Variants in INSYN2B observed in about 807,000 individuals in gnomAD.
The protein encoded by INSYN2B is inhibitory synaptic factor family member 2B, also known as protein INSYN2B.
A neutral mutation model predicts 41.2 loss-of-function variants in INSYN2B; 16 were observed. That is an observed-to-expected ratio of 0.39 (90% CI 0.26 to 0.59). The LOEUF is 0.59. Among genes scored for constraint, INSYN2B ranks in the 20% least tolerant of loss-of-function variants. INSYN2B has a pLI of 0.57. For missense variants in INSYN2B, 608 were observed against 646.4 expected (o/e 0.94, Z 0.64); for synonymous variants, 245 against 244.4 (o/e 1.00, Z -0.02).
At position 169,915,557 on chromosome 5, in the gene INSYN2B, A is replaced by AACACACACAC. The variant is rs56728646; in HGVS notation, c.-918-30751_-918-30742dup. Among the ~76,000 whole-genome samples the AACACACACAC allele has an allele frequency of 2.4e-4, 35 of 143,486 alleles. 1 individual carries two copies. The highest frequency in any genetic ancestry group is 7.0e-4 in the African/African-American group (27 of 38,662). 94.1% of individuals were successfully genotyped at this position (143,486 alleles called of 152,430 possible). A position where few individuals can be genotyped will look rare whatever the true frequency, so the allele number is the denominator to read the frequency against. On this transcript the variant is annotated intron_variant, in intron 1 of 3. Coordinates refer to ENST00000377365, the MANE Select transcript of INSYN2B (RefSeq NM_001129891.3). ...GAAAATATTTGAGGAATTGACAGGG[A>AACACACACAC]ACACACACACACACACACACACACA...
chr5:169,954,727 T>A (rs1776794627), intron 1 of INSYN2B, among the ~76,000 whole-genome samples: 1 of 152,222 alleles, frequency 6.6e-6, no homozygotes, highest in Non-Finnish European at 1.5e-5. Context: ...TATTTGTTTT[T>A]ACATGTTCCA....
At chr5:169,968,851 T>C (rs1184575028) in intron 1 of INSYN2B, among the ~76,000 whole-genome samples, 1 of 152,120 alleles carries the variant, frequency 6.6e-6, no homozygotes, top group Non-Finnish European at 1.5e-5. Context: ...TAGAGAAGGC[T>C]TCCCGGGAGA....
intron 3 of INSYN2B, among the ~76,000 whole-genome samples, chr5:169,867,068 A>G (rs1771611850): frequency 6.6e-6 from 1 of 152,210 alleles, no homozygotes; most frequent in South Asian, 2.1e-4. Context: ...AATTTGCTGG[A>G]GTGGTTCACA....
intron 1 of INSYN2B, among the ~76,000 whole-genome samples, chr5:169,932,762 A>G (rs259896): frequency 0.098 from 14,873 of 152,230 alleles, 791 homozygotes; most frequent in African/African-American, 0.15. Flanking sequence ...ATCCTTTCCT[A>G]TAAATATACA....
At chr5:169,962,553 C>T (rs891668976) in intron 1 of INSYN2B, among the ~76,000 whole-genome samples, 2 of 152,162 alleles carry the variant, frequency 1.3e-5, no homozygotes, top group Non-Finnish European at 2.9e-5. Context: ...GTAGTTGTGT[C>T]TATCACTAGA....
chr5:169,931,092 G>T (rs1233889757), intron 1 of INSYN2B, among the ~76,000 whole-genome samples: 2 of 152,214 alleles, frequency 1.3e-5, no homozygotes, highest in African/African-American at 4.8e-5. Context: ...TGCTTGACTG[G>T]TTGACTCATT....
chr5:169,936,871 G>A (rs922227611), intron 1 of INSYN2B, among the ~76,000 whole-genome samples: 4 of 152,030 alleles, frequency 2.6e-5, no homozygotes, highest in African/African-American at 4.8e-5. Context: ...GAATTATAAC[G>A]ACACCCTTCA....
chr5:169,924,430 G>A (rs1459265706), intron 1 of INSYN2B, among the ~76,000 whole-genome samples: 1 of 152,182 alleles, frequency 6.6e-6, no homozygotes, highest in East Asian at 1.9e-4. Flanking sequence ...CATCCTGTCA[G>A]CAAATCACAT....
At chr5:169,955,999 C>T (rs1776850134) in intron 1 of INSYN2B, among the ~76,000 whole-genome samples, 1 of 148,672 alleles carries the variant, frequency 6.7e-6, no homozygotes, top group Non-Finnish European at 1.5e-5. Flanking sequence ...CTCTGGAGCT[C>T]AGGGAAACAA....
chr5:169,893,126 A>T lies in INSYN2B; in HGVS notation c.-918-8310T>A, dbSNP rs1384694042. Among the ~76,000 whole-genome samples, 3 of 152,048 alleles carry T rather than the reference A, an allele frequency of 2.0e-5. No individual in the cohort carries two copies. The South Asian group carries it at 6.2e-4, about 31-fold the overall frequency. ...AGTGATTCATTCCTTTGGCTATTCT[A>T]TGTCAAGGGTGGGGAATCAGCATCT... On this transcript the variant is annotated intron_variant, in intron 1 of 3. Transcript: ENST00000377365.
intron 1 of INSYN2B, among the ~76,000 whole-genome samples, chr5:169,919,844 C>T (rs1056238749): frequency 6.6e-6 from 1 of 152,112 alleles, no homozygotes; most frequent in Non-Finnish European, 1.5e-5. Context: ...TTTGATGATG[C>T]TTTAAAGGTG....
intron 3 of INSYN2B, among the ~76,000 whole-genome samples, chr5:169,873,197 C>T (rs956884503): frequency 6.6e-6 from 1 of 152,078 alleles, no homozygotes; most frequent in Non-Finnish European, 1.5e-5. Flanking sequence ...TACTTCTTTT[C>T]CTTTACACTC....
At chr5:169,960,079 G>A (rs1777023862) in intron 1 of INSYN2B, among the ~76,000 whole-genome samples, 1 of 152,340 alleles carries the variant, frequency 6.6e-6, no homozygotes. Context: ...GTGGATGAGG[G>A]AACGGTCAGG....
At chr5:169,871,667 A>G (rs898917480) in intron 3 of INSYN2B, among the ~76,000 whole-genome samples, 1 of 152,224 alleles carries the variant, frequency 6.6e-6, no homozygotes, top group Admixed American at 6.5e-5. Flanking sequence ...AGTAATCTGC[A>G]TCTGTATGAA....
intron 1 of INSYN2B, among the ~76,000 whole-genome samples, chr5:169,889,340 G>A (rs926897728): frequency 2.0e-5 from 3 of 151,966 alleles, no homozygotes; most frequent in Admixed American, 6.6e-5. Context: ...GCTTTAATTT[G>A]GTTAAACTTT....
intron 1 of INSYN2B, among the ~76,000 whole-genome samples, chr5:169,924,715 G>A (rs923263460): frequency 1.3e-5 from 2 of 152,166 alleles, no homozygotes; most frequent in Non-Finnish European, 2.9e-5. Flanking sequence ...TTTTGAAGGA[G>A]GGCTGAAAGT....
At chr5:169,872,839 C>T (rs1215110316) in intron 3 of INSYN2B, among the ~76,000 whole-genome samples, 10 of 152,222 alleles carry the variant, frequency 6.6e-5, no homozygotes, top group Admixed American at 6.5e-5. Context: ...CCTCTCTGAG[C>T]CTCAGTTTCC....
intron 1 of INSYN2B, among the ~76,000 whole-genome samples, chr5:169,906,253 C>T (rs1774270616): frequency 6.6e-6 from 1 of 152,118 alleles, no homozygotes; most frequent in Non-Finnish European, 1.5e-5. Flanking sequence ...GCTAAGAGAG[C>T]CTCAGTTTCC....
chr5:169,941,770 C>T lies in INSYN2B; in HGVS notation c.-919+38507G>A, dbSNP rs150588746. Among the ~76,000 whole-genome samples, 530 of 152,242 alleles carry T rather than the reference C, an allele frequency of 3.5e-3. 5 individuals are homozygous for T. The South Asian group carries it at 0.043, about 12-fold the overall frequency. On this transcript the variant is annotated intron_variant, in intron 1 of 3. Coordinates refer to ENST00000377365, the MANE Select transcript of INSYN2B (RefSeq NM_001129891.3). ...GTGGCCCTAGGGAACCAGCAGACAT[C>T]GAATACCACACGCTTTCTTGCATTG...
Sources: gnomAD v4.1 joint callset for allele counts (sites outside exome capture counted in the v4.1 genomes callset) on GRCh38, gnomAD v4.1.1 for gene constraint, MANE v1.5 for transcripts, NCBI Gene and HGNC (gene_info 2026-07-23, HGNC 2026-07-21) for gene names.